CEP350: variants seen among roughly 807,000 people sequenced by gnomAD.
The protein encoded by CEP350 is centrosome-associated protein 350.
CEP350 carries 126 observed loss-of-function variants against 331.8 expected under a neutral mutation model. The observed-to-expected ratio is 0.38, with a 90% CI of 0.33 to 0.44. The LOEUF is 0.44. Ranked by LOEUF, CEP350 falls within the 20% of genes least tolerant of loss-of-function variation. The probability of loss-of-function intolerance (pLI) is 1.00; values close to 1 mark genes in which losing one functional copy is unlikely to be tolerated. For missense variants in CEP350, 3,406 were observed against 3,634.6 expected (o/e 0.94, Z 1.62); for synonymous variants, 1,200 against 1,259.5 (o/e 0.95, Z 1.00).
chr1:179,972,881 T>A (rs1375089425), intron 1 of CEP350, among the ~76,000 whole-genome samples: 2 of 151,758 alleles, frequency 1.3e-5, no homozygotes, highest in Non-Finnish European at 2.9e-5. Flanking sequence ...TTTTTTTTTT[T>A]TTTTTGAAAC....
chr1:179,995,734 G>T (rs1653414073), intron 5 of CEP350, among the ~76,000 whole-genome samples: 1 of 152,126 alleles, frequency 6.6e-6, no homozygotes, highest in Admixed American at 6.5e-5. Flanking sequence ...GAGGTACTTT[G>T]GCTTTGCCCA....
At chr1:179,991,149 T>G (rs1653025644) in intron 4 of CEP350, among the ~76,000 whole-genome samples, 1 of 151,966 alleles carries the variant, frequency 6.6e-6, no homozygotes, top group Admixed American at 6.6e-5. Flanking sequence ...AATTCACAGA[T>G]ATATAGCACT....
At chr1:180,109,431 T>C (rs961078512) in intron 37 of CEP350, among the ~76,000 whole-genome samples, 4 of 152,014 alleles carry the variant, frequency 2.6e-5, no homozygotes, top group African/African-American at 9.7e-5. Context: ...TTTCTCTGCT[T>C]TTTTAAAGAT....
At chr1:180,073,275 G>A (rs149465256) in intron 27 of CEP350, among the ~76,000 whole-genome samples, 3 of 152,252 alleles carry the variant, frequency 2.0e-5, no homozygotes, top group East Asian at 1.9e-4. Context: ...AGGTATTTTT[G>A]TGTAAATCAG....
chr1:180,008,184 TAGTC>T (rs1288869982), intron 8 of CEP350, among the ~76,000 whole-genome samples: 1 of 152,188 alleles, frequency 6.6e-6, no homozygotes, highest in Non-Finnish European at 1.5e-5. Context: ...CAACCAGTAT[TAGTC>T]AGGTGGAAGT....
At chr1:180,040,567 C>T (rs1433457833) in intron 17 of CEP350, among the ~76,000 whole-genome samples, 2 of 151,664 alleles carry the variant, frequency 1.3e-5, no homozygotes, top group Non-Finnish European at 2.9e-5. Flanking sequence ...GGATTGCAGA[C>T]ATGAGCCATT....
rs762087951 is a variant in CEP350, at chr1:179,992,121, C to T, written c.295C>T (p.Arg99Ter). 4 of 1,548,938 alleles carry T rather than the reference C, an allele frequency of 2.6e-6. No homozygotes were observed. The highest frequency in any genetic ancestry group is 1.2e-5 in the South Asian group (1 of 81,130). ...NAPISKSTKS[R>*]KEKSRSPLRA... Reference sequence around the variant, plus strand: ...TCCAATCTCCAAATCCACTAAATCACGAAAAGAGAAATCTCGTAGTCCTCT... The same window carrying T: ...TCCAATCTCCAAATCCACTAAATCATGAAAAGAGAAATCTCGTAGTCCTCT... The change falls in exon 5 of 38, where the codon CGA (arginine) becomes TGA (stop). Residue 99 changes from arginine (R) to a stop codon, truncating the protein, a stop_gained. Transcript: ENST00000367607. LOFTEE classifies it high-confidence loss of function.
At chr1:180,007,630 T>C (rs746169026) in intron 8 of CEP350, among the ~76,000 whole-genome samples, 1 of 152,208 alleles carries the variant, frequency 6.6e-6, no homozygotes, top group Non-Finnish European at 1.5e-5. Context: ...TTGTCAAATT[T>C]GGCTTTTGTT....
intron 1 of CEP350, among the ~76,000 whole-genome samples, chr1:179,965,013 CTG>C (rs886315728): frequency 6.6e-6 from 1 of 151,920 alleles, no homozygotes; most frequent in Non-Finnish European, 1.5e-5. Context: ...TGATATCTTA[CTG>C]TCTTTTTGAT....
intron 32 of CEP350, among the ~76,000 whole-genome samples, 157 bp from the exon 33 acceptor site, chr1:180,090,557 A>AAAAAAAAAAAAAAAG (rs1660126484): frequency 3.2e-5 from 3 of 92,308 alleles, no homozygotes; most frequent in Admixed American, 1.8e-4. Flanking sequence ...AAAAAAAAAA[A>AAAAAAAAAAAAAAAG]AAAAAAAAAA....
intron 14 of CEP350, among the ~76,000 whole-genome samples, chr1:180,030,439 T>A (rs981294991): frequency 6.6e-6 from 1 of 151,206 alleles, no homozygotes; most frequent in Non-Finnish European, 1.5e-5. Flanking sequence ...CTGCTTTTTT[T>A]AAAAGGTAAT....
chr1:179,966,461 T>C (rs1264309876), intron 1 of CEP350, among the ~76,000 whole-genome samples: 3 of 152,142 alleles, frequency 2.0e-5, no homozygotes, highest in Non-Finnish European at 4.4e-5. Flanking sequence ...GAAGGTGTAG[T>C]ACTCAGGTCT....
At chr1:180,035,544 G>T (rs1015066219) in intron 16 of CEP350, among the ~76,000 whole-genome samples, 1 of 152,138 alleles carries the variant, frequency 6.6e-6, no homozygotes, top group Non-Finnish European at 1.5e-5. Flanking sequence ...GAGTCCTAAA[G>T]AATTAAGCTA....
Position 180,093,909 on chromosome 1 carries a change from A to G in CEP350, c.7804A>G (p.Lys2602Glu). Residue 2602 changes from lysine (K) to glutamate (E), a missense_variant, in exon 34 of 38, where the codon AAA becomes GAA. Lys to Glu is a moderately conservative substitution (Grantham distance 56). Around this residue, in one of 5 missense-constraint regions of CEP350, gnomAD observed 1,415 missense variants for 1,512.3 expected, o/e 0.94. Coordinates refer to ENST00000367607, the MANE Select transcript of CEP350 (RefSeq NM_014810.5). The stretch of plus-strand genomic sequence containing the variant: ...AGAGCAAAATGATACAGAGGGTCCA[A>G]AAGACAGAGAAAAGGATGTCAGTGA... ...NQEQNDTEGP[K>E]DREKDVSEYF... The G allele has an allele frequency of 6.2e-7, 1 of 1,613,938 alleles. No individual in the cohort carries two copies. The highest frequency in any genetic ancestry group is 8.5e-7 in the Non-Finnish European group (1 of 1,179,858).
rs143938843 is a variant in CEP350, at chr1:179,988,905, C to T, written c.121-1602C>T. On this transcript the variant is annotated intron_variant, in intron 3 of 37. Coordinates refer to ENST00000367607, the MANE Select transcript of CEP350 (RefSeq NM_014810.5). ...CCCTATAAATATAGCAATATATATTCTCTTTCTTCTACCTGAGCATTATGT... is the reference window on the plus strand; with the variant it reads ...CCCTATAAATATAGCAATATATATTTTCTTTCTTCTACCTGAGCATTATGT... Among the ~76,000 whole-genome samples, 158 of 152,168 alleles carry T rather than the reference C, an allele frequency of 1.0e-3. 3 individuals are homozygous for T. In the East Asian group the frequency reaches 0.019, roughly 18 times the overall value.
rs1658478274 is a variant in CEP350 at position 180,065,229 on chromosome 1, A to G, written c.5524A>G (p.Ile1842Val). 1 of 1,613,158 alleles carries G rather than the reference A, an allele frequency of 6.2e-7. No homozygotes were observed. Among genetic ancestry groups the G allele is most frequent in the South Asian group, 1.1e-5 (1 of 90,792 alleles). The change falls in exon 27 of 38, where the codon ATT becomes GTT. Residue 1842 changes from isoleucine to valine, a missense_variant. By Grantham distance (29) the Ile-to-Val change is conservative. This residue lies in a region of CEP350 where 1,415 missense variants were observed against 1,512.3 expected (regional missense o/e 0.94). Coordinates refer to ENST00000367607, the MANE Select transcript of CEP350 (RefSeq NM_014810.5). ...ISISSSETSS[I>V]MQKLKKMRSR... is the part of the protein sequence containing the mutation. ...AATCTCCAGCAGTGAAACTAGCAGC[A>G]TTATGCAGAAACTGAAGAAAATGAG...
At chr1:180,013,803 G>A in intron 9 of CEP350, 44 bp from the exon 10 acceptor site, 5 of 1,483,536 alleles carry the variant, frequency 3.4e-6, no homozygotes, top group Non-Finnish European at 4.5e-6. Context: ...TCTTAGGAAT[G>A]AGTATAGAAT....
Position 180,093,581 on chromosome 1 carries a change from C to T in CEP350, c.7476C>T (p.Asp2492=), listed in dbSNP as rs369485542. The part of the protein sequence containing the change: ...SPSLASVPTA[D]ELFDFHIGDR... ...CCTTGGCTTCAGTTCCTACTGCAGACGAGTTATTTGATTTCCACATTGGTG... is the reference window on the plus strand; with the variant it reads ...CCTTGGCTTCAGTTCCTACTGCAGATGAGTTATTTGATTTCCACATTGGTG... Residue 2492 remains aspartate (D), a synonymous_variant, in exon 34 of 38, where the codon GAC becomes GAT. Coordinates refer to ENST00000367607, the MANE Select transcript of CEP350 (RefSeq NM_014810.5). The T allele has an allele frequency of 1.3e-5, 21 of 1,613,854 alleles. No individual in the cohort carries two copies. The highest frequency in any genetic ancestry group is 4.4e-5 in the South Asian group (4 of 91,084).
intron 23 of CEP350, 46 bp downstream of exon 23, chr1:180,053,212 C>G: frequency 1.1e-6 from 1 of 949,344 alleles, no homozygotes. Context: ...TGGATATGTT[C>G]TCTCAAAGAT....
Sources: gnomAD v4.1 joint callset for allele counts (sites outside exome capture counted in the v4.1 genomes callset) on GRCh38, gnomAD v4.1.1 for gene constraint, gnomAD v4.1.1 regional missense constraint, MANE v1.5 for transcripts, NCBI Gene and HGNC (gene_info 2026-07-23, HGNC 2026-07-21) for gene names.